DAP3: variants seen among roughly 807,000 people sequenced by gnomAD.
DAP3 encodes the protein small ribosomal subunit protein mS29.
DAP3 carries 28 observed loss-of-function variants against 51.9 expected under a neutral mutation model. The ratio of observed to expected loss-of-function variants is 0.54; its 90% CI spans 0.40 to 0.74. The LOEUF (loss-of-function observed/expected upper bound fraction) is 0.74. DAP3 is among the 30% of genes least tolerant of loss of function. The probability of loss-of-function intolerance (pLI) is 0.00; values close to 1 mark genes in which losing one functional copy is unlikely to be tolerated. For missense variants in DAP3, 458 were observed against 483.5 expected, an observed-to-expected ratio of 0.95 and a Z score of 0.49; for synonymous variants, 170 against 170.3, an observed-to-expected ratio of 1.00 and a Z score of 0.01.
In DAP3 at chr1:155,721,579, T is replaced by C; in HGVS notation, c.231T>C (p.Thr77=). The C allele has an allele frequency of 6.2e-7, 1 of 1,614,120 alleles. No individual in the cohort carries two copies. ...HYNISPQDLE[T]VFPHGLPPRF... is the part of the protein sequence containing the mutation. ...ACATCTCCCCCCAGGATTTGGAGAC[T>C]GTATTTCCCCATGGCCTTCCTCCTC... The change falls in exon 4 of 13, where the codon ACT becomes ACC. Residue 77 remains threonine (T), a synonymous_variant. Coordinates refer to ENST00000368336, the MANE Select transcript of DAP3 (RefSeq NM_004632.4).
chr1:155,688,240 G>A (rs761371381), upstream of DAP3: 1 of 1,610,986 alleles, frequency 6.2e-7, no homozygotes, highest in Non-Finnish European at 8.5e-7. Context: ...AAAGGTGGAG[G>A]GCTAAAGGGG....
At chr1:155,693,914 T>C (rs1159401796) in intron 1 of DAP3, among the ~76,000 whole-genome samples, 1 of 140,542 alleles carries the variant, frequency 7.1e-6, no homozygotes, top group African/African-American at 3.3e-5. Flanking sequence ...TGAGCTGAGA[T>C]TGCGCCATTG....
At chr1:155,730,484 C>T (rs1659126471) in intron 9 of DAP3, among the ~76,000 whole-genome samples, 1 of 151,990 alleles carries the variant, frequency 6.6e-6, no homozygotes, top group African/African-American at 2.4e-5. Context: ...TGGTGGTTTG[C>T]ACCTGTATGT....
intron 1 of DAP3, among the ~76,000 whole-genome samples, chr1:155,707,290 G>C (rs7535158): frequency 0.066 from 9,997 of 150,468 alleles, 334 homozygotes; most frequent in African/African-American, 0.12. Context: ...GTGGGCGCCT[G>C]TAGTCCCAGC....
intron 2 of DAP3, chr1:155,710,659 G>C (rs886225099): frequency 6.6e-6 from 1 of 152,012 alleles, no homozygotes; most frequent in African/African-American, 2.4e-5. Flanking sequence ...TAATCCTCAT[G>C]ATCAACCCAT....
intron 11 of DAP3, 26 bp downstream of exon 11, chr1:155,732,059 T>C: frequency 1.3e-6 from 2 of 1,580,564 alleles, no homozygotes; most frequent in Non-Finnish European, 1.7e-6. Flanking sequence ...AATTTGTTTC[T>C]ACTTAGATTG....
At chr1:155,695,424 AGTT>A (rs1309923888) in intron 1 of DAP3, among the ~76,000 whole-genome samples, 1 of 152,146 alleles carries the variant, frequency 6.6e-6, no homozygotes, top group East Asian at 1.9e-4. Context: ...ATAATTTGAT[AGTT>A]GTTTGTAAGT....
chr1:155,732,202 T>C (rs1342047860), intron 11 of DAP3, 169 bp downstream of exon 11: 6 of 478,728 alleles, frequency 1.3e-5, no homozygotes, highest in African/African-American at 2.1e-5. Context: ...CATTGCTTTA[T>C]CCGTCTCCGT....
intron 11 of DAP3, 79 bp downstream of exon 11, chr1:155,732,112 T>A: frequency 7.8e-7 from 1 of 1,284,698 alleles, no homozygotes. Flanking sequence ...TCTATGTATT[T>A]TGACATAATT....
intron 1 of DAP3, chr1:155,689,762 A>G (rs1287906183): frequency 5.3e-6 from 1 of 189,738 alleles, no homozygotes; most frequent in Non-Finnish European, 1.1e-5. Context: ...AAATACAAAT[A>G]TTAGCCGGCC....
chr1:155,733,192 A>T (rs1382295207), intron 11 of DAP3, among the ~76,000 whole-genome samples: 1 of 152,198 alleles, frequency 6.6e-6, no homozygotes, highest in Non-Finnish European at 1.5e-5. Context: ...TGATGTTAGA[A>T]GTGATGACAT....
At chr1:155,724,940 G>A (rs1190759716) in intron 4 of DAP3, among the ~76,000 whole-genome samples, 7 of 149,904 alleles carry the variant, frequency 4.7e-5, no homozygotes, top group African/African-American at 1.7e-4. Context: ...GGCAACAAGA[G>A]TGAAACTCCG....
intron 5 of DAP3, 49 bp from the exon 6 acceptor site, chr1:155,725,878 A>G (rs1658521921): frequency 6.4e-7 from 1 of 1,568,600 alleles, no homozygotes; most frequent in South Asian, 1.1e-5. Flanking sequence ...TACTGTTCAC[A>G]TACAAGTGAT....
Position 155,689,146 on chromosome 1 carries a change from T to A in DAP3, c.-36T>A. ...CCCCAGGCAGCGTGTGTCGGTCGCC[T>A]AGTCTGGAGAACTAGTCCTCGACTC... On this transcript the variant is annotated 5_prime_UTR_variant, in exon 1 of 13. Transcript: ENST00000368336. 3 of 858,732 alleles carry A rather than the reference T, an allele frequency of 3.5e-6. No homozygotes were observed. In the East Asian group the frequency reaches 7.9e-5, roughly 23 times the overall value. 53.2% of individuals were successfully genotyped at this position (858,732 alleles called of 1,614,324 possible).
At position 155,694,520 on chromosome 1, in the gene DAP3, G is replaced by A. The variant is rs1024701943; in HGVS notation, c.-8+5346G>A. On this transcript the variant is annotated intron_variant, in intron 1 of 12. Coordinates refer to ENST00000368336, the MANE Select transcript of DAP3 (RefSeq NM_004632.4). ...TTGTTGTGTTTTCAGGTTTTCTTCT[G>A]CAAGGTGGGTCAGCCTCTTGATCTG... Among the ~76,000 whole-genome samples the A allele has an allele frequency of 2.8e-5, 4 of 141,650 alleles. 1 individual carries two copies. Among genetic ancestry groups the A allele is most frequent in the African/African-American group, 6.4e-5 (2 of 31,152 alleles). The allele number at this position is 141,650 out of a possible 152,430, so 92.9% of individuals were successfully genotyped here.
chr1:155,733,703 G>A (rs1659476235), intron 11 of DAP3, among the ~76,000 whole-genome samples: 1 of 151,954 alleles, frequency 6.6e-6, no homozygotes, highest in Non-Finnish European at 1.5e-5. Flanking sequence ...CAGGTGTGGT[G>A]GTGCGTGCCT....
At chr1:155,713,198 G>C (rs1656926003) in intron 2 of DAP3, among the ~76,000 whole-genome samples, 2 of 152,160 alleles carry the variant, frequency 1.3e-5, no homozygotes, top group Non-Finnish European at 2.9e-5. Flanking sequence ...TGATTAGAAA[G>C]GACACAATGA....
intron 1 of DAP3, among the ~76,000 whole-genome samples, chr1:155,703,003 G>A (rs2149129900): frequency 6.6e-6 from 1 of 152,178 alleles, no homozygotes; most frequent in South Asian, 2.1e-4. Flanking sequence ...AAAATCAGTT[G>A]ACCGTGATGT....
intron 6 of DAP3, 89 bp downstream of exon 6, chr1:155,726,108 CTTTTCTTTTTTT>C: frequency 1.1e-6 from 1 of 902,002 alleles, no homozygotes; most frequent in Non-Finnish European, 1.6e-6. Context: ...CTTTTCTTTT[CTTTTCTTTTTTT>C]TTTTTTTTTT....
Sources: allele counts gnomAD v4.1 joint callset (sites outside exome capture counted in the v4.1 genomes callset), GRCh38; gene constraint gnomAD v4.1.1; transcripts MANE v1.5; gene names NCBI Gene and HGNC (gene_info 2026-07-23, HGNC 2026-07-21).